SMAP1: variants seen among roughly 807,000 people sequenced by gnomAD.
SMAP1 encodes the protein small ArfGAP 1.
In SMAP1, 24 loss-of-function variants were observed where a neutral mutation model predicts 58.5. That is an observed-to-expected ratio of 0.41 (90% CI 0.30 to 0.58). The LOEUF is 0.58. SMAP1 is among the 20% of genes least tolerant of loss of function. The pLI is 0.29. For synonymous variants in SMAP1, 216 were observed against 196.6 expected, an observed-to-expected ratio of 1.10 and a Z score of -0.82; for missense variants, 563 against 566.3, an observed-to-expected ratio of 0.99 and a Z score of 0.06.
intron 3 of SMAP1, among the ~76,000 whole-genome samples, chr6:70,764,281 C>T (rs374768003): frequency 6.6e-5 from 10 of 152,208 alleles, no homozygotes; most frequent in East Asian, 5.8e-4. Flanking sequence ...GCAAGTTATC[C>T]AGAAGATGTA....
At chr6:70,685,999 G>A (rs1177140135) in intron 1 of SMAP1, among the ~76,000 whole-genome samples, 1 of 152,034 alleles carries the variant, frequency 6.6e-6, no homozygotes, top group Non-Finnish European at 1.5e-5. Flanking sequence ...TCAAACACCT[G>A]GGCTCAAATG....
chr6:70,713,473 C>T (rs1768142310), intron 1 of SMAP1, among the ~76,000 whole-genome samples: 1 of 151,902 alleles, frequency 6.6e-6, no homozygotes, highest in African/African-American at 2.4e-5. Flanking sequence ...TTTGTTTATC[C>T]TGAGATATTT....
At chr6:70,859,528 C>T (rs1431472907) in intron 10 of SMAP1, 1 of 684,584 alleles carries the variant, frequency 1.5e-6, no homozygotes, top group South Asian at 2.1e-5. Context: ...AAATTAAGAA[C>T]ACAGTCTAAC....
chr6:70,741,760 G>C (rs888021436), intron 2 of SMAP1, among the ~76,000 whole-genome samples: 4 of 152,154 alleles, frequency 2.6e-5, no homozygotes, highest in Non-Finnish European at 4.4e-5. Context: ...CTCCATGAGG[G>C]CCCCACCCCT....
rs780887851 is a variant in SMAP1, at chr6:70,860,512, G to A, written c.*178G>A. The A allele has an allele frequency of 1.8e-5, 11 of 599,142 alleles. No individual in the cohort carries two copies. Among genetic ancestry groups the A allele is most frequent in the Non-Finnish European group, 2.8e-5 (11 of 398,068 alleles). 37.1% of individuals were successfully genotyped at this position (599,142 alleles called of 1,614,324 possible). On this transcript the variant is annotated 3_prime_UTR_variant, in exon 11 of 11. Coordinates refer to ENST00000370455, the MANE Select transcript of SMAP1 (RefSeq NM_001044305.3). ...ATTCAATTTGATGTGGTGAAAAGCAGGTTGATAAATCATTTTATGTCAAGG... is the reference window on the plus strand; with the variant it reads ...ATTCAATTTGATGTGGTGAAAAGCAAGTTGATAAATCATTTTATGTCAAGG...
chr6:70,723,157 T>G (rs1434518376), intron 1 of SMAP1, among the ~76,000 whole-genome samples: 3 of 152,180 alleles, frequency 2.0e-5, no homozygotes, highest in Non-Finnish European at 4.4e-5. Context: ...TTTTAGAGAT[T>G]GGGTCTTGTT....
At position 70,739,588 on chromosome 6, in the gene SMAP1, G is replaced by A. The variant is rs188690306; in HGVS notation, c.252+7077G>A. Reference sequence around the variant, plus strand: ...TACCTACATATGGTATGCTTCTTCAGTATGTAGTTTTATATCTTTTTTTGT... The same window carrying A: ...TACCTACATATGGTATGCTTCTTCAATATGTAGTTTTATATCTTTTTTTGT... On this transcript the variant is annotated intron_variant, in intron 2 of 10. Coordinates refer to ENST00000370455, the MANE Select transcript of SMAP1 (RefSeq NM_001044305.3). 2.0e-4 allele frequency among the ~76,000 whole-genome samples: 31 copies of A among 152,140 alleles called. No homozygotes were observed. The East Asian group carries it at 6.0e-3, about 29-fold the overall frequency.
At chr6:70,737,513 A>C (rs1201195861) in intron 2 of SMAP1, among the ~76,000 whole-genome samples, 1 of 152,186 alleles carries the variant, frequency 6.6e-6, no homozygotes, top group Non-Finnish European at 1.5e-5. Context: ...CCCAGCTTAA[A>C]TCTCTACTTT....
chr6:70,763,112 T>TG (rs1241171673), intron 3 of SMAP1, among the ~76,000 whole-genome samples: 1 of 145,512 alleles, frequency 6.9e-6, no homozygotes, highest in Non-Finnish European at 1.5e-5. Flanking sequence ...ATTACTTTTT[T>TG]TTTTTTTTTT....
At chr6:70,791,415 G>C (rs917282896) in intron 4 of SMAP1, among the ~76,000 whole-genome samples, 7 of 151,964 alleles carry the variant, frequency 4.6e-5, no homozygotes, top group African/African-American at 1.5e-4. Flanking sequence ...TATACTTTTG[G>C]TATGATCTTA....
At chr6:70,731,921 C>G (rs1448762102) in intron 1 of SMAP1, among the ~76,000 whole-genome samples, 1 of 152,094 alleles carries the variant, frequency 6.6e-6, no homozygotes, top group Non-Finnish European at 1.5e-5. Flanking sequence ...ATTATTCATT[C>G]ATATCTTTTT....
intron 3 of SMAP1, among the ~76,000 whole-genome samples, chr6:70,762,872 A>G (rs1766810212): frequency 6.6e-6 from 1 of 151,974 alleles, no homozygotes; most frequent in Non-Finnish European, 1.5e-5. Context: ...TGAATTATTT[A>G]TATAAAATAC....
intron 1 of SMAP1, among the ~76,000 whole-genome samples, chr6:70,698,684 C>T (rs1272679823): frequency 2.6e-5 from 4 of 152,154 alleles, no homozygotes; most frequent in South Asian, 2.1e-4. Flanking sequence ...GAGACTCTGA[C>T]GCATTCTTCA....
intron 4 of SMAP1, among the ~76,000 whole-genome samples, chr6:70,778,827 G>A (rs369275936): frequency 5.9e-5 from 9 of 152,334 alleles, no homozygotes; most frequent in African/African-American, 2.2e-4. Flanking sequence ...GATATATATG[G>A]TGGCCATGGG....
intron 6 of SMAP1, among the ~76,000 whole-genome samples, chr6:70,809,691 ATAC>A (rs1769302765): frequency 6.6e-6 from 1 of 152,220 alleles, no homozygotes; most frequent in African/African-American, 2.4e-5. Context: ...TCAATAAATA[ATAC>A]TTTTATAAAA....
At chr6:70,713,346 T>C (rs550262940) in intron 1 of SMAP1, among the ~76,000 whole-genome samples, 1 of 152,296 alleles carries the variant, frequency 6.6e-6, no homozygotes, top group East Asian at 1.9e-4. Context: ...CCTTGAGGTG[T>C]ATAGTTAGGT....
intron 2 of SMAP1, among the ~76,000 whole-genome samples, chr6:70,746,417 C>T (rs1766035382): frequency 6.6e-6 from 1 of 152,150 alleles, no homozygotes; most frequent in South Asian, 2.1e-4. Flanking sequence ...TTTTCTGCAT[C>T]TGTTGAGATA....
At chr6:70,669,112 CTTTTT>C (rs545237521) in intron 1 of SMAP1, among the ~76,000 whole-genome samples, 89 of 148,018 alleles carry the variant, frequency 6.0e-4, no homozygotes, top group South Asian at 4.5e-3. Context: ...GGAAATATTT[CTTTTT>C]TTTTTAAAGA....
At position 70,798,730 on chromosome 6, in the gene SMAP1, C is replaced by T. The variant is rs1768718550; in HGVS notation, c.569C>T (p.Ala190Val). The part of the protein sequence containing the change: ...EPEKPAKPLT[A>V]EKLQKKDQQL... Reference sequence around the variant, plus strand: ...GAAAAGCCGGCAAAACCACTTACAGCTGAAAAGGTAAAATTCTTTTTTTAA... The same window carrying T: ...GAAAAGCCGGCAAAACCACTTACAGTTGAAAAGGTAAAATTCTTTTTTTAA... Residue 190 changes from alanine (A) to valine (V), a missense_variant, in exon 6 of 11, where the codon GCT becomes GTT. By Grantham distance (64) the Ala-to-Val change is moderately conservative (BLOSUM62 0). Transcript: ENST00000370455. The T allele has an allele frequency of 1.9e-6, 3 of 1,552,442 alleles. No individual in the cohort carries two copies. The highest frequency in any genetic ancestry group is 2.6e-6 in the Non-Finnish European group (3 of 1,151,008).
Sources: allele counts gnomAD v4.1 joint callset (sites outside exome capture counted in the v4.1 genomes callset), GRCh38; gene constraint gnomAD v4.1.1; transcripts MANE v1.5; gene names NCBI Gene and HGNC (gene_info 2026-07-23, HGNC 2026-07-21).